VCAN: variants seen among roughly 807,000 people sequenced by gnomAD.
The protein encoded by VCAN is versican.
VCAN carries 44 observed loss-of-function variants against 245.5 expected under a neutral mutation model. That is an observed-to-expected ratio of 0.18 (90% CI 0.14 to 0.23). VCAN has a LOEUF of 0.23. VCAN is among the 10% of genes least tolerant of loss of function. The pLI, the probability that VCAN is intolerant of heterozygous loss-of-function variation, is 1.00. For missense variants in VCAN, 3,793 were observed against 4,057.9 expected, an observed-to-expected ratio of 0.93 and a Z score of 1.77; for synonymous variants, 1,413 against 1,437.0, an observed-to-expected ratio of 0.98 and a Z score of 0.38.
chr5:83,518,144 G>C (rs1479784328), intron 6 of VCAN, among the ~76,000 whole-genome samples: 1 of 152,060 alleles, frequency 6.6e-6, no homozygotes, highest in African/African-American at 2.4e-5. Context: ...AGTCCTATAG[G>C]ATGTAGCAAA....
At chr5:83,503,124 G>T (rs1561234508) in intron 5 of VCAN, among the ~76,000 whole-genome samples, 1 of 152,116 alleles carries the variant, frequency 6.6e-6, no homozygotes, top group Non-Finnish European at 1.5e-5. Context: ...TCCATGTGCA[G>T]CTGATGGACT....
chr5:83,536,180 A>T (rs1746698502), intron 7 of VCAN: 1 of 152,174 alleles, frequency 6.6e-6, no homozygotes, highest in Non-Finnish European at 1.5e-5. Flanking sequence ...AGGACTCCTG[A>T]ACTTTCTTTG....
At chr5:83,493,521 C>T (rs1561229881) in intron 3 of VCAN, 25 bp from the exon 4 acceptor site, 16 of 1,612,580 alleles carry the variant, frequency 9.9e-6, no homozygotes, top group African/African-American at 1.3e-5. Flanking sequence ...AACAGGCTGG[C>T]AATTGTTTGC....
At position 83,483,640 on chromosome 5, in the gene VCAN, C is replaced by T. The variant is rs767437020; in HGVS notation, c.70+52C>T. The T allele has an allele frequency of 9.8e-6, 15 of 1,523,768 alleles. No homozygotes were observed. In the African/African-American group the frequency reaches 1.5e-4, roughly 15 times the overall value. The allele number at this position is 1,523,768 out of a possible 1,614,324, so 94.4% of individuals were successfully genotyped here. ...GTTAATTGAAATAAAAATGTAAGTGCTGGAGGATGAAATGGCAATGTGGAA... is the reference window on the plus strand; with the variant it reads ...GTTAATTGAAATAAAAATGTAAGTGTTGGAGGATGAAATGGCAATGTGGAA... On this transcript the variant is annotated intron_variant, in intron 2 of 14. Transcript: ENST00000265077.
intron 2 of VCAN, 52 bp downstream of exon 2, chr5:83,483,640 C>A: frequency 6.6e-7 from 1 of 1,523,884 alleles, no homozygotes; most frequent in Non-Finnish European, 9.1e-7. Context: ...AATGTAAGTG[C>A]TGGAGGATGA....
intron 12 of VCAN, among the ~76,000 whole-genome samples, chr5:83,569,430 A>G (rs1748201223): frequency 1.3e-5 from 2 of 152,218 alleles, no homozygotes; most frequent in Admixed American, 6.5e-5. Context: ...ATTAAACAAC[A>G]TAAGTATGTG....
At chr5:83,530,044 C>A (rs1338535490) in intron 7 of VCAN, among the ~76,000 whole-genome samples, 1 of 151,996 alleles carries the variant, frequency 6.6e-6, no homozygotes, top group Non-Finnish European at 1.5e-5. Flanking sequence ...AAATCCGAAC[C>A]CGACATAGGT....
chr5:83,536,982 A>G, intron 7 of VCAN, 25 bp from the exon 8 acceptor site: 8 of 1,551,240 alleles, frequency 5.2e-6, no homozygotes, highest in Non-Finnish European at 6.9e-6. Flanking sequence ...CTATTTAAGT[A>G]TTGTGAAAAC....
In VCAN at chr5:83,572,420, A is replaced by T; in HGVS notation, c.9740A>T (p.Tyr3247Phe). The change falls in exon 13 of 15, where the codon TAC becomes TTC. Residue 3247 changes from tyrosine to phenylalanine, a missense_variant. Coordinates refer to ENST00000265077, the MANE Select transcript of VCAN (RefSeq NM_004385.5). ...FRWTDGSTLQ[Y>F]ENWRPNQPDS... ...CTTCTCCCTCCATTTTTACAGCAATACGAGAATTGGAGACCCAACCAGCCA... is the reference window on the plus strand; with the variant it reads ...CTTCTCCCTCCATTTTTACAGCAATTCGAGAATTGGAGACCCAACCAGCCA... 6.2e-7 allele frequency: 1 copy of T among 1,613,870 alleles called. No homozygotes were observed. Among genetic ancestry groups the T allele is most frequent in the Non-Finnish European group, 8.5e-7 (1 of 1,179,834 alleles).
At chr5:83,489,956 CT>C in intron 2 of VCAN, 141 bp from the exon 3 acceptor site, 1 of 815,422 alleles carries the variant, frequency 1.2e-6, no homozygotes, top group Admixed American at 2.5e-5. Context: ...ATGCTATTCT[CT>C]TTATATAAAG....
chr5:83,530,883 T>A (rs2541310), intron 7 of VCAN, among the ~76,000 whole-genome samples: 134,258 of 152,102 alleles, frequency 0.88, 59,541 homozygotes, highest in African/African-American at 0.97. Flanking sequence ...CATCATGTGG[T>A]CATCTGAGAG....
intron 12 of VCAN, 123 bp from the exon 13 acceptor site, chr5:83,572,293 T>A: frequency 8.3e-7 from 1 of 1,200,254 alleles, no homozygotes; most frequent in Non-Finnish European, 1.2e-6. Flanking sequence ...CAAAATAATT[T>A]CAGCTATATG....
intron 13 of VCAN, among the ~76,000 whole-genome samples, chr5:83,578,811 C>T (rs1211057666): frequency 6.6e-6 from 1 of 151,976 alleles, no homozygotes; most frequent in Non-Finnish European, 1.5e-5. Context: ...ATTTAAGTTA[C>T]ATTTGTATTA....
chr5:83,538,771 G>A lies in VCAN; in HGVS notation c.5768G>A (p.Gly1923Asp), dbSNP rs1258718283. Residue 1923 changes from glycine to aspartate, a missense_variant, in exon 8 of 15, where the codon GGC (glycine) becomes GAC (aspartate). Transcript: ENST00000265077. ...GEPNYGAEIRGFSTGFPLEED... is the reference protein window; with the variant it reads ...GEPNYGAEIRDFSTGFPLEED... ...CCAAATTATGGGGCAGAAATAAGGG[G>A]CTTTTCCACAGGTTTTCCTTTGGAG... 1 of 1,613,792 alleles carries A rather than the reference G, an allele frequency of 6.2e-7. No homozygotes were observed. The highest frequency in any genetic ancestry group is 8.5e-7 in the Non-Finnish European group (1 of 1,179,964).
intron 10 of VCAN, among the ~76,000 whole-genome samples, chr5:83,549,795 T>C (rs1427605114): frequency 2.0e-5 from 3 of 152,238 alleles, no homozygotes; most frequent in Admixed American, 1.3e-4. Flanking sequence ...TCAGTCTGTT[T>C]ACGCAGTGCA....
intron 7 of VCAN, 181 bp from the exon 8 acceptor site, chr5:83,536,826 G>A: frequency 1.9e-6 from 1 of 517,528 alleles, no homozygotes; most frequent in Non-Finnish European, 3.3e-6. Flanking sequence ...TTTTCTTATT[G>A]TTAATACAAA....
intron 1 of VCAN, 77 bp from the exon 2 acceptor site, chr5:83,483,436 C>A: frequency 8.6e-7 from 1 of 1,160,370 alleles, no homozygotes; most frequent in Non-Finnish European, 1.3e-6. Context: ...ACATACAATG[C>A]ACAAAAAGCA....
At chr5:83,481,692 TATAAG>T (rs1381737095) in intron 1 of VCAN, among the ~76,000 whole-genome samples, 1 of 152,148 alleles carries the variant, frequency 6.6e-6, no homozygotes, top group Non-Finnish European at 1.5e-5. Context: ...AGATGGAAAA[TATAAG>T]ATGTATAATG....
intron 1 of VCAN, among the ~76,000 whole-genome samples, chr5:83,474,735 C>G (rs1254273432): frequency 6.6e-6 from 1 of 152,272 alleles, no homozygotes; most frequent in Non-Finnish European, 1.5e-5. Context: ...CAGGGCCCAG[C>G]TTAACCGAGA....
Sources: allele counts gnomAD v4.1 joint callset (sites outside exome capture counted in the v4.1 genomes callset), GRCh38; gene constraint gnomAD v4.1.1; transcripts MANE v1.5; gene names NCBI Gene and HGNC (gene_info 2026-07-23, HGNC 2026-07-21).